Variants in PYGM observed in about 807,000 individuals in gnomAD.
PYGM encodes glycogen phosphorylase, muscle associated, also known as glycogen phosphorylase, muscle form.
PYGM carries 81 observed loss-of-function variants against 99.3 expected under a neutral mutation model. The observed-to-expected ratio is 0.82, with a 90% confidence interval of 0.68 to 0.98. PYGM has a LOEUF of 0.98. Among genes scored for constraint, PYGM ranks in the 50% least tolerant of loss-of-function variants. The pLI is 0.00. For synonymous variants in PYGM, 436 were observed against 451.5 expected (o/e 0.97, Z 0.44); for missense variants, 1,030 against 1,158.1 (o/e 0.89, Z 1.61).
rs746678142 is a variant in PYGM, at chr11:64,750,432, T to C, written c.2121A>G (p.Glu707=). ...CCCGCATGCCAAAGATGAAGAAGTTTTCCTCTCCCGCCTCTTCTGCCATCT... is the reference window on the plus strand; with the variant it reads ...CCCGCATGCCAAAGATGAAGAAGTTCTCCTCTCCCGCCTCTTCTGCCATCT... ...NVEMAEEAGE[E]NFFIFGMRVE... is the part of the protein sequence containing the mutation. The change falls in exon 17 of 20, where the codon GAA becomes GAG. Residue 707 remains glutamate (E), a synonymous_variant. Coordinates refer to ENST00000164139, the MANE Select transcript of PYGM (RefSeq NM_005609.4). 15 of 1,614,072 alleles carry C rather than the reference T, an allele frequency of 9.3e-6. No individual in the cohort carries two copies. The South Asian group carries it at 1.4e-4, about 15-fold the overall frequency.
intron 10 of PYGM, 25 bp downstream of exon 10, chr11:64,753,854 C>T (rs1420818963): frequency 6.4e-7 from 1 of 1,556,386 alleles, no homozygotes; most frequent in Non-Finnish European, 8.7e-7. Context: ...CACCCCCACA[C>T]CATCCCCCAA....
chr11:64,751,563 G>A, intron 15 of PYGM, 34 bp downstream of exon 15: 1 of 1,614,028 alleles, frequency 6.2e-7, no homozygotes, highest in South Asian at 1.1e-5. Flanking sequence ...TATATCAAAG[G>A]ACGGGAGCCC....
upstream of PYGM, among the ~76,000 whole-genome samples, chr11:64,760,665 A>C (rs200066803): frequency 6.6e-6 from 1 of 152,088 alleles, no homozygotes; most frequent in Admixed American, 6.6e-5. Flanking sequence ...GCGGTGGGAG[A>C]AACTGAGGCA....
intron 12 of PYGM, 40 bp downstream of exon 12, chr11:64,753,033 G>A (rs1181375504): frequency 2.0e-6 from 3 of 1,515,670 alleles, no homozygotes; most frequent in Non-Finnish European, 2.8e-6. Flanking sequence ...TCCCTGCAGG[G>A]ACCCATGTTG....
intron 19 of PYGM, 28 bp downstream of exon 19, chr11:64,746,893 T>C: frequency 1.9e-6 from 3 of 1,614,224 alleles, no homozygotes; most frequent in Non-Finnish European, 2.5e-6. Context: ...ACCAAAGCCC[T>C]GCCAACCCCT....
intron 12 of PYGM, 79 bp from the exon 13 acceptor site, chr11:64,752,583 A>G: frequency 2.1e-6 from 3 of 1,417,464 alleles, no homozygotes; most frequent in Non-Finnish European, 2.9e-6. Flanking sequence ...TTTCCAGGTC[A>G]GCCAAGCCCC....
chr11:64,751,984 G>A lies in PYGM; in HGVS notation c.1708C>T (p.Arg570Trp), dbSNP rs377225525. ...AGCTGTCGTTTATATTCGTGAATCCGCTTCACCTGGATGTCGAAGAGTGAG... is the reference window on the plus strand; with the variant it reads ...AGCTGTCGTTTATATTCGTGAATCCACTTCACCTGGATGTCGAAGAGTGAG... ...PNSLFDIQVK[R>W]IHEYKRQLLN... The change falls in exon 14 of 20, where the codon CGG becomes TGG. Residue 570 changes from arginine to tryptophan, a missense_variant. By Grantham distance (101) the Arg-to-Trp change is moderately radical. Transcript: ENST00000164139. The A allele has an allele frequency of 6.2e-6, 10 of 1,613,748 alleles. No homozygotes were observed. The highest frequency in any genetic ancestry group is 1.7e-5 in the Admixed American group (1 of 59,992).
At chr11:64,751,759 C>T in intron 14 of PYGM, 104 bp from the exon 15 acceptor site, 1 of 1,530,478 alleles carries the variant, frequency 6.5e-7, no homozygotes, top group East Asian at 2.3e-5. Context: ...CGAACAATCA[C>T]TTGCTATGCT....
chr11:64,747,402 T>C lies in PYGM; in HGVS notation c.2178-44A>G, dbSNP rs371199832. On this transcript the variant is annotated intron_variant, in intron 17 of 19. Coordinates refer to ENST00000164139, the MANE Select transcript of PYGM (RefSeq NM_005609.4). The stretch of plus-strand genomic sequence containing the variant: ...GGTCAGCTCCCCGGAAAGGGGTTCC[T>C]GGCTCCTCTTCCAGAGAAAAGCTGA... The C allele has an allele frequency of 1.9e-5, 31 of 1,613,116 alleles. No homozygotes were observed. The African/African-American group carries it at 3.6e-4, about 19-fold the overall frequency.
rs762305749 is a variant in PYGM, at chr11:64,746,778, G to A, written c.2410C>T (p.Arg804Trp). Residue 804 changes from arginine (R) to tryptophan (W), a missense_variant, in exon 20 of 20, where the codon CGG (arginine) becomes TGG (tryptophan). Arg to Trp is a moderately radical substitution (Grantham distance 101). Transcript: ENST00000164139. ...AACTTGCCAGAGGTGGCTATGTTCC[G>A]GATCACCATCCGCGTCCACTCTCTT... is the stretch of plus-strand genomic sequence containing the variant. Reference protein sequence around the residue: ...NPREWTRMVIRNIATSGKFSS... With the variant: ...NPREWTRMVIWNIATSGKFSS... The A allele has an allele frequency of 2.3e-5, 37 of 1,614,010 alleles. No individual in the cohort carries two copies. The highest frequency in any genetic ancestry group is 6.7e-5 in the East Asian group (3 of 44,882).
At position 64,749,514 on chromosome 11, in the gene PYGM, T is replaced by TG. The variant is rs1272918421; in HGVS notation, c.2177+861dup. Among the ~76,000 whole-genome samples the TG allele has an allele frequency of 6.6e-4, 100 of 151,634 alleles. 1 individual carries two copies. Among genetic ancestry groups the TG allele is most frequent in the African/African-American group, 2.4e-3 (98 of 41,362 alleles). ...AAAATTAGCCAGGCGTGGCAGCAGGTGCCTGTAGTCCCAGCTACTCGGGAG... is the reference window on the plus strand; with the variant it reads ...AAAATTAGCCAGGCGTGGCAGCAGGTGGCCTGTAGTCCCAGCTACTCGGGAG... On this transcript the variant is annotated intron_variant, in intron 17 of 19. Transcript: ENST00000164139.
rs764823441 is a variant in PYGM, at chr11:64,758,262, ATCT to A, written c.509_511del (p.Lys170del). 4 of 1,613,262 alleles carry A rather than the reference ATCT, an allele frequency of 2.5e-6. No individual in the cohort carries two copies. Among genetic ancestry groups the A allele is most frequent in the African/African-American group, 1.3e-5 (1 of 74,888 alleles). On this transcript the variant is annotated inframe_deletion, in exon 4 of 20. Coordinates refer to ENST00000164139, the MANE Select transcript of PYGM (RefSeq NM_005609.4). ...GCTGCTCACCTGCCAGCCCCCGGAG[ATCT>A]TCTGGTTAAAAATCCCAAACTCATA...
rs750205507 is a variant in PYGM, at chr11:64,759,909, G to A, written c.-11C>T. 2.9e-5 allele frequency: 46 copies of A among 1,613,676 alleles called. No homozygotes were observed. In the South Asian group the frequency reaches 4.8e-4, roughly 17 times the overall value. The stretch of plus-strand genomic sequence containing the variant: ...CAGGGGCCGGGACATGGCTGCAGGA[G>A]GGCGGGCCGGACTGGACTGATGGTA... On this transcript the variant is annotated 5_prime_UTR_variant, in exon 1 of 20. Coordinates refer to ENST00000164139, the MANE Select transcript of PYGM (RefSeq NM_005609.4).
rs774663305 is a variant in PYGM at position 64,754,264 on chromosome 11, C to T, written c.1081G>A (p.Asp361Asn). The change falls in exon 9 of 20, where the codon GAC becomes AAC. Residue 361 changes from aspartate to asparagine, a missense_variant. Asp to Asn is a conservative substitution (Grantham distance 23). Transcript: ENST00000164139. This position sits in a 1 kb window ranked among gnomAD's most constrained non-coding sequence, Gnocchi z 5.5. ...MRILVDLERMDWDKAWDVTVR... is the reference protein window; with the variant it reads ...MRILVDLERMNWDKAWDVTVR... Reference sequence around the variant, plus strand: ...GCCCTGAAGCCCACCTTGTCCCAGTCCATCCGTTCCAGGTCCACCAGGATC... The same window carrying T: ...GCCCTGAAGCCCACCTTGTCCCAGTTCATCCGTTCCAGGTCCACCAGGATC... 6.2e-7 allele frequency: 1 copy of T among 1,613,262 alleles called. No homozygotes were observed. The highest frequency in any genetic ancestry group is 1.1e-5 in the South Asian group (1 of 91,064).
In PYGM at chr11:64,754,634, G is replaced by C; in HGVS notation, c.999+59C>G. On this transcript the variant is annotated intron_variant, in intron 8 of 19. Transcript: ENST00000164139. This position sits in a 1 kb window ranked among gnomAD's most constrained non-coding sequence, Gnocchi z 5.5. ...ACATGGGGCAGGCAGGCCGAGGCTG[G>C]AGGGAGAGGCCTAGCACACACTGTC... 6.3e-7 allele frequency: 1 copy of C among 1,599,488 alleles called. No homozygotes were observed. The highest frequency in any genetic ancestry group is 8.5e-7 in the Non-Finnish European group (1 of 1,172,300).
At chr11:64,757,537 G>C (rs1211669918) in intron 5 of PYGM, among the ~76,000 whole-genome samples, 1 of 152,120 alleles carries the variant, frequency 6.6e-6, no homozygotes, top group African/African-American at 2.4e-5. Flanking sequence ...CAGGTCATGG[G>C]GAGACACTGG....
In PYGM at chr11:64,759,700, G is replaced by C; in HGVS notation, c.199C>G (p.Arg67Gly). 1 of 1,614,122 alleles carries C rather than the reference G, an allele frequency of 6.2e-7. No homozygotes were observed. The highest frequency in any genetic ancestry group is 8.5e-7 in the Non-Finnish European group (1 of 1,180,018). The stretch of plus-strand genomic sequence containing the variant: ...TAGTGCTGCTGCGTGCGGATCCAGC[G>C]CCCCACGAGGTGGTCGCGCACGGTA... The part of the protein sequence containing the change: ...AHTVRDHLVG[R>G]WIRTQQHYYE... Residue 67 changes from arginine (R) to glycine (G), a missense_variant, in exon 1 of 20, where the codon CGC becomes GGC. Transcript: ENST00000164139.
intron 3 of PYGM, 32 bp from the exon 4 acceptor site, chr11:64,758,381 AC>A: frequency 6.2e-7 from 1 of 1,612,570 alleles, no homozygotes; most frequent in Non-Finnish European, 8.5e-7. Context: ...GCTGTCAGGG[AC>A]CCAGCAAGGA....
intron 4 of PYGM, 103 bp downstream of exon 4, chr11:64,758,143 A>T: frequency 6.9e-7 from 1 of 1,442,612 alleles, no homozygotes; most frequent in Non-Finnish European, 9.7e-7. Context: ...GATGCTTTCC[A>T]CAGAGCTTGC....
Sources: allele counts gnomAD v4.1 joint callset (sites outside exome capture counted in the v4.1 genomes callset), GRCh38; gene constraint gnomAD v4.1.1; non-coding constraint Gnocchi (gnomAD v3.1); transcripts MANE v1.5; gene names NCBI Gene and HGNC (gene_info 2026-07-23, HGNC 2026-07-21).